Variants in ZBTB16 observed in about 807,000 individuals in gnomAD.
The protein encoded by ZBTB16 is zinc finger and BTB domain containing 16, also known as zinc finger and BTB domain-containing protein 16.
In ZBTB16, 8 loss-of-function variants were observed where a neutral mutation model predicts 56.8. That is an observed-to-expected ratio of 0.14 (90% CI 0.08 to 0.25). The LOEUF is 0.25. Ranked by LOEUF, ZBTB16 falls within the 10% of genes least tolerant of loss-of-function variation. The probability of loss-of-function intolerance (pLI) is 1.00; values close to 1 mark genes in which losing one functional copy is unlikely to be tolerated. For missense variants in ZBTB16, 625 were observed against 903.0 expected, an observed-to-expected ratio of 0.69 and a Z score of 3.95; for synonymous variants, 363 against 368.5, an observed-to-expected ratio of 0.98 and a Z score of 0.17.
At position 114,063,988 on chromosome 11, in the gene ZBTB16, G is replaced by C; in HGVS notation, c.688G>C (p.Ala230Pro). 6.2e-7 allele frequency: 1 copy of C among 1,613,640 alleles called. No homozygotes were observed. The highest frequency in any genetic ancestry group is 8.5e-7 in the Non-Finnish European group (1 of 1,179,880). Residue 230 changes from alanine (A) to proline (P), a missense_variant, in exon 2 of 7, where the codon GCT becomes CCT. Coordinates refer to ENST00000335953, the MANE Select transcript of ZBTB16 (RefSeq NM_006006.6). This position sits in a 1 kb window ranked among gnomAD's most constrained non-coding sequence, Gnocchi z 6.5. ...TGCAGGGCCCGAGGAGCCAACTCTG[G>C]CTGGGGGTGGGCGGCACCCTGGGGT... ...PPAGPEEPTL[A>P]GGGRHPGVAE...
At chr11:114,098,599 G>C (rs955239971) in intron 2 of ZBTB16, among the ~76,000 whole-genome samples, 1 of 150,868 alleles carries the variant, frequency 6.6e-6, no homozygotes, top group African/African-American at 2.4e-5. Context: ...AAACCAGCAC[G>C]GGAGCCTTAG....
chr11:114,060,805 G>T lies in ZBTB16; in HGVS notation c.-91+923G>T, dbSNP rs1938812895. 1.3e-5 allele frequency among the ~76,000 whole-genome samples: 2 copies of T among 151,988 alleles called. No individual in the cohort carries two copies. The highest frequency in any genetic ancestry group is 4.8e-5 in the African/African-American group (2 of 41,350). On this transcript the variant is annotated intron_variant, in intron 1 of 6. Coordinates refer to ENST00000335953, the MANE Select transcript of ZBTB16 (RefSeq NM_006006.6). This position sits in a 1 kb window ranked among gnomAD's most constrained non-coding sequence, Gnocchi z 6.0. ...CGTGCTTGGGCCGGGCGCGCTGGCC[G>T]CTGGCGCCGCTGGCCAGAGGCCTGG...
chr11:114,191,802 G>A lies in ZBTB16; in HGVS notation c.1453+4764G>A, dbSNP rs11827990. The stretch of plus-strand genomic sequence containing the variant: ...CGCACATATACACACACACGCATAC[G>A]TAGCTTTACTGAGATATAATACATA... On this transcript the variant is annotated intron_variant, in intron 4 of 6. Transcript: ENST00000335953. Among the ~76,000 whole-genome samples the A allele has an allele frequency of 9.9e-4, 150 of 152,240 alleles. 1 individual carries two copies. Among genetic ancestry groups the A allele is most frequent in the African/African-American group, 3.5e-3 (145 of 41,542 alleles).
chr11:114,148,440 T>TCTCTCC (rs1555143953), intron 2 of ZBTB16, among the ~76,000 whole-genome samples: 4 of 90,060 alleles, frequency 4.4e-5, no homozygotes, highest in Non-Finnish European at 7.1e-5. Context: ...TCTCTCTTTC[T>TCTCTCC]CTCTCTCTGT....
At chr11:114,142,559 A>G (rs1473477873) in intron 2 of ZBTB16, among the ~76,000 whole-genome samples, 2 of 152,252 alleles carry the variant, frequency 1.3e-5, no homozygotes, top group Non-Finnish European at 2.9e-5. Flanking sequence ...CTGTTGTCAA[A>G]ACTGCCTGTT....
intron 2 of ZBTB16, among the ~76,000 whole-genome samples, chr11:114,127,983 C>A (rs1301037835): frequency 1.3e-5 from 2 of 152,118 alleles, no homozygotes; most frequent in Non-Finnish European, 2.9e-5. Flanking sequence ...TTCCTCCATC[C>A]CCAGCCTCCT....
intron 2 of ZBTB16, among the ~76,000 whole-genome samples, chr11:114,066,513 T>G (rs1020736797): frequency 6.6e-6 from 1 of 152,066 alleles, no homozygotes; most frequent in African/African-American, 2.4e-5. Context: ...CTGGGTATGG[T>G]GGGAAGTAAT....
chr11:114,157,577 C>T (rs763882147), intron 3 of ZBTB16, among the ~76,000 whole-genome samples: 1 of 152,158 alleles, frequency 6.6e-6, no homozygotes, highest in Admixed American at 6.5e-5. Flanking sequence ...CCTGCCTGGC[C>T]GTTTAGTACT....
At chr11:114,095,612 AG>A (rs1435720824) in intron 2 of ZBTB16, among the ~76,000 whole-genome samples, 1 of 152,190 alleles carries the variant, frequency 6.6e-6, no homozygotes, top group Non-Finnish European at 1.5e-5. Flanking sequence ...CATGCAAACA[AG>A]GCAGAATTGG....
intron 3 of ZBTB16, among the ~76,000 whole-genome samples, chr11:114,159,937 C>CGGGGGGGGGGG (rs140105293): frequency 1.3e-4 from 12 of 93,608 alleles, no homozygotes; most frequent in Non-Finnish European, 1.4e-4. Flanking sequence ...GCGGGGGAGG[C>CGGGGGGGGGGG]GGGGGGGAGG....
At chr11:114,224,806 G>A (rs548704944) in intron 4 of ZBTB16, among the ~76,000 whole-genome samples, 6 of 152,304 alleles carry the variant, frequency 3.9e-5, no homozygotes, top group African/African-American at 1.4e-4. Flanking sequence ...AAAGAAAAAA[G>A]CAGTCAGTTT....
At chr11:114,198,898 C>T (rs1943667173) in intron 4 of ZBTB16, among the ~76,000 whole-genome samples, 1 of 152,252 alleles carries the variant, frequency 6.6e-6, no homozygotes, top group Non-Finnish European at 1.5e-5. Context: ...GTCCTTTGTG[C>T]TCTGCCCTTT....
chr11:114,112,717 G>A (rs1289527783), intron 2 of ZBTB16, among the ~76,000 whole-genome samples: 1 of 150,246 alleles, frequency 6.7e-6, no homozygotes, highest in African/African-American at 2.4e-5. Context: ...TAGTTGAAAT[G>A]TAGGCTCCAT....
At chr11:114,209,335 C>T in intron 4 of ZBTB16, 2 of 973,954 alleles carry the variant, frequency 2.1e-6, no homozygotes, top group Non-Finnish European at 2.4e-6. Flanking sequence ...TAGGCTGTTA[C>T]TAATCCCGTT....
chr11:114,088,371 G>A (rs928267106), intron 2 of ZBTB16, among the ~76,000 whole-genome samples: 2 of 151,980 alleles, frequency 1.3e-5, no homozygotes, highest in East Asian at 1.9e-4. Flanking sequence ...CCAACTCCTC[G>A]CCTCAAGTGA....
chr11:114,075,520 G>A (rs11824337), intron 2 of ZBTB16, among the ~76,000 whole-genome samples: 3,690 of 151,590 alleles, frequency 0.024, 156 homozygotes, highest in African/African-American at 0.086. Context: ...GCAGTGGCGC[G>A]ATCTCAGCTC....
intron 3 of ZBTB16, among the ~76,000 whole-genome samples, chr11:114,185,023 T>TA (rs1555150756): frequency 1.7e-4 from 26 of 150,620 alleles, no homozygotes; most frequent in East Asian, 3.9e-4. Context: ...AATAAATAAA[T>TA]AAATAAAATA....
rs1202909873 is a variant in ZBTB16 at position 114,255,785 on chromosome 11, A to G, written c.*5230A>G. On this transcript the variant is annotated 3_prime_UTR_variant, in exon 7 of 7. Coordinates refer to ENST00000335953, the MANE Select transcript of ZBTB16 (RefSeq NM_006006.6). ...CTGCTGCAGGTTTTTTTCTCTCTCC[A>G]TGTGTCACTAAGTGAAGTTTGTGCC... Among the ~76,000 whole-genome samples the G allele has an allele frequency of 2.0e-5, 3 of 151,214 alleles. No individual in the cohort carries two copies. Among genetic ancestry groups the G allele is most frequent in the South Asian group, 2.1e-4 (1 of 4,822 alleles).
chr11:114,190,558 G>A (rs1024194750), intron 4 of ZBTB16, among the ~76,000 whole-genome samples: 18 of 152,002 alleles, frequency 1.2e-4, no homozygotes, highest in South Asian at 2.1e-4. Flanking sequence ...ATCCTAAGTC[G>A]GGGACCATTC....
Sources: allele counts gnomAD v4.1 joint callset (sites outside exome capture counted in the v4.1 genomes callset), GRCh38; gene constraint gnomAD v4.1.1; non-coding constraint Gnocchi (gnomAD v3.1); transcripts MANE v1.5; gene names NCBI Gene and HGNC (gene_info 2026-07-23, HGNC 2026-07-21).